NEDD4L: variants seen among roughly 807,000 people sequenced by gnomAD.
NEDD4L encodes NEDD4 like E3 ubiquitin protein ligase.
Under a neutral mutation model 148.9 loss-of-function variants are expected in NEDD4L, and 54 were observed. That is an observed-to-expected ratio of 0.36 (90% confidence interval 0.29 to 0.45). The LOEUF is 0.45. Among genes scored for constraint, NEDD4L ranks in the 20% least tolerant of loss-of-function variants. NEDD4L has a pLI of 1.00. For missense variants in NEDD4L, 856 were observed against 1,233.8 expected (o/e 0.69, Z 4.59); for synonymous variants, 433 against 440.7 (o/e 0.98, Z 0.22).
chr18:58,151,922 G>A (rs1453092264), intron 1 of NEDD4L, among the ~76,000 whole-genome samples: 1 of 151,890 alleles, frequency 6.6e-6, no homozygotes, highest in Non-Finnish European at 1.5e-5. Flanking sequence ...CAGGTAGTAG[G>A]GCAGTATGAG....
intron 1 of NEDD4L, among the ~76,000 whole-genome samples, chr18:58,119,778 C>T (rs2086103380): frequency 6.6e-6 from 1 of 152,184 alleles, no homozygotes; most frequent in African/African-American, 2.4e-5. Flanking sequence ...TAAAACCCTA[C>T]CTCTGCCCCC....
intron 5 of NEDD4L, among the ~76,000 whole-genome samples, chr18:58,306,594 C>A (rs2057089323): frequency 6.6e-6 from 1 of 151,780 alleles, no homozygotes; most frequent in African/African-American, 2.4e-5. Flanking sequence ...GGGCCACTAC[C>A]TACTAGCTCT....
chr18:58,256,061 G>A lies in NEDD4L; in HGVS notation c.297+4007G>A. On this transcript the variant is annotated intron_variant, in intron 5 of 30. Transcript: ENST00000400345. This position sits in a 1 kb window ranked among gnomAD's most constrained non-coding sequence, Gnocchi z 5.2. ...CACCACGAGGGCCTCGCCCCAGAGT[G>A]GCTCCCGGGAGCCCTCGCCGAGGGA... is the stretch of plus-strand genomic sequence containing the variant. The A allele has an allele frequency of 8.1e-7, 1 of 1,229,132 alleles. No homozygotes were observed. Among genetic ancestry groups the A allele is most frequent in the Non-Finnish European group, 1.0e-6 (1 of 986,276 alleles). The allele number at this position is 1,229,132 out of a possible 1,614,324, so 76.1% of individuals were successfully genotyped here. A position where few individuals can be genotyped will look rare whatever the true frequency, so the allele number is the denominator to read the frequency against.
intron 2 of NEDD4L, among the ~76,000 whole-genome samples, chr18:58,241,010 A>G (rs1045945119): frequency 2.0e-5 from 3 of 152,054 alleles, no homozygotes; most frequent in African/African-American, 7.2e-5. Flanking sequence ...AGATTTTACC[A>G]TGTTGTCCAG....
In NEDD4L at chr18:58,400,809, TA is replaced by T. The variant is rs2050800265; in HGVS notation, c.*4541del. On this transcript the variant is annotated 3_prime_UTR_variant, in exon 31 of 31. Transcript: ENST00000400345. ...CCCGTGTAAGCCAGTTTTCCCCTTT[TA>T]CTCAGACTGATTTCACCTAGATTGT... 1 of 152,238 alleles carries T rather than the reference TA, an allele frequency of 6.6e-6. No homozygotes were observed. Among genetic ancestry groups the T allele is most frequent in the Admixed American group, 6.5e-5 (1 of 15,288 alleles). The allele number at this position is 152,238 out of a possible 1,614,324, so 9.4% of individuals were successfully genotyped here.
chr18:58,078,263 C>G (rs1033525190), intron 1 of NEDD4L, among the ~76,000 whole-genome samples: 1 of 152,178 alleles, frequency 6.6e-6, no homozygotes. Context: ...GGTCAGTAAT[C>G]TCAAACTTTG....
chr18:58,090,721 A>G (rs1023629894), intron 1 of NEDD4L: 2 of 151,548 alleles, frequency 1.3e-5, no homozygotes, highest in Admixed American at 6.6e-5. Context: ...CAATTGATCC[A>G]CCCACCTTGG....
chr18:58,243,851 A>G, intron 2 of NEDD4L, among the ~76,000 whole-genome samples: 1 of 152,240 alleles, frequency 6.6e-6, no homozygotes. Flanking sequence ...AAAATAAAAA[A>G]TATTTACTCA....
intron 2 of NEDD4L, among the ~76,000 whole-genome samples, chr18:58,204,503 G>T (rs562435087): frequency 6.6e-6 from 1 of 152,180 alleles, no homozygotes; most frequent in Admixed American, 6.5e-5. Flanking sequence ...AAGTAAGTCC[G>T]TTGACTTCAA....
rs1407115323 is a variant in NEDD4L, at chr18:58,256,209, T to C, written c.297+4155T>C. The C allele has an allele frequency of 2.5e-6, 3 of 1,221,444 alleles. No homozygotes were observed. Among genetic ancestry groups the C allele is most frequent in the Non-Finnish European group, 3.1e-6 (3 of 981,498 alleles). The allele number at this position is 1,221,444 out of a possible 1,614,324, so 75.7% of individuals were successfully genotyped here. A position where few individuals can be genotyped will look rare whatever the true frequency, so the allele number is the denominator to read the frequency against. On this transcript the variant is annotated intron_variant, in intron 5 of 30. Transcript: ENST00000400345. This position sits in a 1 kb window ranked among gnomAD's most constrained non-coding sequence, Gnocchi z 5.2. ...TGCGCGGAGGAGGCTGCCCCGGGCC[T>C]GCGCATCCAGCACCGCGCCTCCAGC...
chr18:58,165,026 A>T (rs930596698), intron 1 of NEDD4L, among the ~76,000 whole-genome samples: 13 of 152,206 alleles, frequency 8.5e-5, no homozygotes, highest in Non-Finnish European at 1.9e-4. Flanking sequence ...CTCCTAAGCC[A>T]TCTCACCTGT....
At chr18:58,252,247 A>G (rs2048023309) in intron 5 of NEDD4L, among the ~76,000 whole-genome samples, 193 bp downstream of exon 5, 1 of 152,242 alleles carries the variant, frequency 6.6e-6, no homozygotes, top group Non-Finnish European at 1.5e-5. Context: ...AGGATAAAAA[A>G]TGTATTTGTA....
chr18:58,224,383 G>C, intron 2 of NEDD4L, among the ~76,000 whole-genome samples: 1 of 152,296 alleles, frequency 6.6e-6, no homozygotes, highest in African/African-American at 2.4e-5. Flanking sequence ...CTGGGTCCAG[G>C]AGTTTATTTT....
chr18:58,229,673 T>G (rs2148093230), intron 2 of NEDD4L, among the ~76,000 whole-genome samples: 1 of 152,314 alleles, frequency 6.6e-6, no homozygotes, highest in South Asian at 2.1e-4. Flanking sequence ...ATATCTAGAT[T>G]GAGGCTTATA....
Position 58,366,109 on chromosome 18 carries a change from G to A in NEDD4L, c.1944G>A (p.Leu648=), listed in dbSNP as rs376174363. 1.2e-6 allele frequency: 2 copies of A among 1,613,568 alleles called. No individual in the cohort carries two copies. Among genetic ancestry groups the A allele is most frequent in the African/African-American group, 1.3e-5 (1 of 74,940 alleles). The change falls in exon 21 of 31, where the codon CTG becomes CTA. Residue 648 remains leucine (L), a synonymous_variant. Coordinates refer to ENST00000400345, the MANE Select transcript of NEDD4L (RefSeq NM_001144967.3). The surrounding 1 kb of genome is among the most constrained non-coding windows in gnomAD (Gnocchi z 4.2). ...VKRPDVLKAR[L]WIEFESEKGL... is the part of the protein sequence containing the mutation. ...GACCAGATGTCCTAAAAGCTAGACTGTGGATTGAGTTTGAATCAGAGAAAG... is the reference window on the plus strand; with the variant it reads ...GACCAGATGTCCTAAAAGCTAGACTATGGATTGAGTTTGAATCAGAGAAAG...
chr18:58,226,267 T>G (rs1201195069), intron 2 of NEDD4L, among the ~76,000 whole-genome samples: 1 of 152,234 alleles, frequency 6.6e-6, no homozygotes. Flanking sequence ...AGAGGTATAG[T>G]AGTTTAGACT....
At chr18:58,349,251 G>A (rs2145543102) in intron 16 of NEDD4L, among the ~76,000 whole-genome samples, 1 of 152,140 alleles carries the variant, frequency 6.6e-6, no homozygotes, top group East Asian at 1.9e-4. Flanking sequence ...ATCACTGCTG[G>A]GACTCTCTTC....
At chr18:58,123,873 G>C (rs1024610536) in intron 1 of NEDD4L, among the ~76,000 whole-genome samples, 1 of 152,116 alleles carries the variant, frequency 6.6e-6, no homozygotes, top group African/African-American at 2.4e-5. Flanking sequence ...CACTCTCAAG[G>C]CATCTTCTTC....
chr18:58,329,902 T>C (rs1194299120), intron 10 of NEDD4L, among the ~76,000 whole-genome samples: 2 of 152,216 alleles, frequency 1.3e-5, no homozygotes, highest in African/African-American at 4.8e-5. Flanking sequence ...GTTTTTATCA[T>C]AGTTGAGCTG....
Sources: allele counts gnomAD v4.1 joint callset (sites outside exome capture counted in the v4.1 genomes callset), GRCh38; gene constraint gnomAD v4.1.1; non-coding constraint Gnocchi (gnomAD v3.1); transcripts MANE v1.5; gene names NCBI Gene and HGNC (gene_info 2026-07-23, HGNC 2026-07-21).